Variants in EPHA6 observed in about 807,000 individuals in gnomAD.
EPHA6 encodes ephrin type-A receptor 6.
EPHA6 carries 50 observed loss-of-function variants against 112.0 expected under a neutral mutation model. The ratio of observed to expected loss-of-function variants is 0.45; its 90% confidence interval spans 0.36 to 0.56. The LOEUF is 0.56. Among genes scored for constraint, EPHA6 ranks in the 20% least tolerant of loss-of-function variants. EPHA6 has a pLI of 0.00. For missense variants in EPHA6, 1,280 were observed against 1,417.4 expected (o/e 0.90, Z 1.56); for synonymous variants, 529 against 490.7 (o/e 1.08, Z -1.03).
At chr3:97,329,804 A>G (rs2082689866) in intron 5 of EPHA6, among the ~76,000 whole-genome samples, 1 of 152,068 alleles carries the variant, frequency 6.6e-6, no homozygotes, top group African/African-American at 2.4e-5. Context: ...TTTGCTGTGC[A>G]GAAGCTCTTT....
In EPHA6 at chr3:97,666,712, T is replaced by C. The variant is rs549004616; in HGVS notation, c.2784+28630T>C. Among the ~76,000 whole-genome samples, 146 of 152,210 alleles carry C rather than the reference T, an allele frequency of 9.6e-4. 1 individual carries two copies. The highest frequency in any genetic ancestry group is 6.8e-3 in the South Asian group (33 of 4,824). ...ACAATGACCCTATTTCTAAATCAAA[T>C]CATATTTGGAGGCACTAAGAGTTAA... On this transcript the variant is annotated intron_variant, in intron 14 of 17. Coordinates refer to ENST00000389672, the MANE Select transcript of EPHA6 (RefSeq NM_001080448.3).
At chr3:97,604,514 T>G (rs1362613949) in intron 12 of EPHA6, among the ~76,000 whole-genome samples, 4 of 151,742 alleles carry the variant, frequency 2.6e-5, no homozygotes, top group African/African-American at 9.7e-5. Context: ...TTTTAAAACT[T>G]TTTGTGACAT....
chr3:97,051,659 T>C (rs749854083), intron 3 of EPHA6, among the ~76,000 whole-genome samples: 1 of 152,224 alleles, frequency 6.6e-6, no homozygotes. Context: ...CAAAGTTACA[T>C]GATAAGTGTT....
Position 97,644,632 on chromosome 3 carries a change from A to G in EPHA6, c.2784+6550A>G, listed in dbSNP as rs374808406. On this transcript the variant is annotated intron_variant, in intron 14 of 17. Transcript: ENST00000389672. ...TCACCAACGATCCCACAGAAATACAAACTACCATCAGAGAATACTACAAAC... is the reference window on the plus strand; with the variant it reads ...TCACCAACGATCCCACAGAAATACAGACTACCATCAGAGAATACTACAAAC... Among the ~76,000 whole-genome samples the G allele has an allele frequency of 2.0e-4, 30 of 151,922 alleles. No individual in the cohort carries two copies. The South Asian group carries it at 2.5e-3, about 13-fold the overall frequency.
intron 1 of EPHA6, among the ~76,000 whole-genome samples, chr3:96,852,621 A>C (rs1055226272): frequency 6.7e-6 from 1 of 148,928 alleles, no homozygotes; most frequent in Non-Finnish European, 1.5e-5. Flanking sequence ...AAAAAAAAAA[A>C]CTTCCTGGTG....
rs1357155304 is a variant in EPHA6, at chr3:97,610,672, A to G, written c.2513-121A>G. ...GAATACGTTTATAGAAGCAGGCTGG[A>G]AAATGAAATTCCTATTAATAAAATA... On this transcript the variant is annotated intron_variant, in intron 12 of 17. Transcript: ENST00000389672. The G allele has an allele frequency of 1.7e-5, 13 of 756,790 alleles. No homozygotes were observed. In the East Asian group the frequency reaches 2.1e-4, roughly 12 times the overall value. 46.9% of individuals were successfully genotyped at this position (756,790 alleles called of 1,614,324 possible).
intron 10 of EPHA6, among the ~76,000 whole-genome samples, chr3:97,511,731 A>T (rs150095517): frequency 1.3e-5 from 2 of 152,328 alleles, no homozygotes; most frequent in Admixed American, 1.3e-4. Context: ...TTAATCAGTT[A>T]TAGTAATGAA....
intron 2 of EPHA6, among the ~76,000 whole-genome samples, chr3:96,869,237 C>T (rs569039276): frequency 1.2e-4 from 18 of 151,948 alleles, no homozygotes; most frequent in African/African-American, 4.1e-4. Flanking sequence ...TGAAGCACAG[C>T]GATAATTATA....
chr3:97,739,614 T>C (rs1248091296), intron 16 of EPHA6, among the ~76,000 whole-genome samples: 2 of 152,130 alleles, frequency 1.3e-5, no homozygotes, highest in East Asian at 1.9e-4. Flanking sequence ...ATGTTGGTCA[T>C]AGAAGGCTTT....
intron 10 of EPHA6, among the ~76,000 whole-genome samples, chr3:97,497,238 C>T (rs2092004573): frequency 6.6e-6 from 1 of 152,178 alleles, no homozygotes; most frequent in Non-Finnish European, 1.5e-5. Flanking sequence ...ATTGCATCTC[C>T]ACCAACCTTT....
intron 5 of EPHA6, 42 bp downstream of exon 5, chr3:97,244,329 C>G: frequency 6.5e-7 from 1 of 1,543,494 alleles, no homozygotes; most frequent in Non-Finnish European, 8.9e-7. Flanking sequence ...CCCATAATTT[C>G]TTTTGATGCA....
At chr3:97,683,769 GCT>G (rs2032042133) in intron 14 of EPHA6, among the ~76,000 whole-genome samples, 2 of 152,072 alleles carry the variant, frequency 1.3e-5, no homozygotes, top group Non-Finnish European at 2.9e-5. Flanking sequence ...ATTCGGTTTA[GCT>G]CTCTTTCTGG....
At chr3:96,829,988 C>G (rs1329422253) in intron 1 of EPHA6, among the ~76,000 whole-genome samples, 1 of 149,070 alleles carries the variant, frequency 6.7e-6, no homozygotes, top group African/African-American at 2.5e-5. Context: ...CACACACACA[C>G]AGAAATGGTA....
chr3:97,529,878 A>G (rs2092676323), intron 10 of EPHA6, among the ~76,000 whole-genome samples: 1 of 152,054 alleles, frequency 6.6e-6, no homozygotes, highest in Non-Finnish European at 1.5e-5. Flanking sequence ...AATTTCAGAC[A>G]ACAGAAAACA....
At chr3:97,544,360 T>C (rs1245608254) in intron 11 of EPHA6, among the ~76,000 whole-genome samples, 1 of 152,194 alleles carries the variant, frequency 6.6e-6, no homozygotes, top group African/African-American at 2.4e-5. Flanking sequence ...CATGTGGTTT[T>C]TGTCTTTGGT....
chr3:97,686,728 A>T lies in EPHA6; in HGVS notation c.2785-33533A>T, dbSNP rs147341406. 6.6e-5 allele frequency among the ~76,000 whole-genome samples: 10 copies of T among 152,314 alleles called. No individual in the cohort carries two copies. The East Asian group carries it at 1.9e-3, about 29-fold the overall frequency. ...TTTGTTTACACTGACACATGGTACT[A>T]TAGCTTGATGCCTAGATAAGACTTC... On this transcript the variant is annotated intron_variant, in intron 14 of 17. Coordinates refer to ENST00000389672, the MANE Select transcript of EPHA6 (RefSeq NM_001080448.3).
chr3:97,719,765 A>G (rs953689807), intron 14 of EPHA6, among the ~76,000 whole-genome samples: 2 of 152,230 alleles, frequency 1.3e-5, no homozygotes, highest in African/African-American at 4.8e-5. Context: ...ATCATAGCAG[A>G]TGTAAAGCAA....
At chr3:96,864,739 T>C (rs958790757) in intron 1 of EPHA6, among the ~76,000 whole-genome samples, 5 of 152,056 alleles carry the variant, frequency 3.3e-5, no homozygotes, top group South Asian at 2.1e-4. Context: ...GGGAAACTTA[T>C]AGATTTAAAA....
intron 3 of EPHA6, among the ~76,000 whole-genome samples, chr3:97,127,682 T>A (rs1204883391): frequency 6.7e-6 from 1 of 149,614 alleles, no homozygotes. Flanking sequence ...GCCACTGCAC[T>A]GCAGCCTGGG....
Sources: gnomAD v4.1 joint callset for allele counts (sites outside exome capture counted in the v4.1 genomes callset) on GRCh38, gnomAD v4.1.1 for gene constraint, MANE v1.5 for transcripts, NCBI Gene and HGNC (gene_info 2026-07-23, HGNC 2026-07-21) for gene names.